The following VMP1 variants were observed in gnomAD, a reference collection of about 807,000 sequenced individuals.
VMP1 encodes the protein ectopic P-granules autophagy protein 3 homolog.
A neutral mutation model predicts 56.0 loss-of-function variants in VMP1; 11 were observed. The ratio of observed to expected loss-of-function variants is 0.20; its 90% CI spans 0.12 to 0.32. The LOEUF (loss-of-function observed/expected upper bound fraction) is 0.32, where lower values mean the gene tolerates loss of function less well. VMP1 is among the 10% of genes least tolerant of loss of function. The pLI is 1.00. For missense variants in VMP1, 296 were observed against 490.3 expected (o/e 0.60, Z 3.74); for synonymous variants, 149 against 165.0 (o/e 0.90, Z 0.74).
In VMP1 at chr17:59,824,427, G is replaced by A. The variant is rs2038566597; in HGVS notation, c.974+6654G>A. 2.0e-5 allele frequency among the ~76,000 whole-genome samples: 3 copies of A among 149,676 alleles called. No individual in the cohort carries two copies. In the South Asian group the frequency reaches 6.4e-4, roughly 32 times the overall value. On this transcript the variant is annotated intron_variant, in intron 10 of 11. Transcript: ENST00000262291. ...TCTCTACTAAAAATACAAAAAATTA[G>A]CCGGGCGTGGGGGTGGGCGTCTATA...
intron 9 of VMP1, among the ~76,000 whole-genome samples, chr17:59,814,036 G>C (rs761286561): frequency 1.3e-4 from 20 of 152,080 alleles, no homozygotes; most frequent in Non-Finnish European, 2.1e-4. Context: ...GCTAGAGTGT[G>C]GTGGCGTGAT....
At chr17:59,838,591 A>G (rs771126869) in intron 11 of VMP1, 194 bp downstream of exon 11, 38 of 575,578 alleles carry the variant, frequency 6.6e-5, no homozygotes, top group Non-Finnish European at 1.2e-4. Context: ...ACTTCTGTAC[A>G]TCTTCTCCTA....
intron 5 of VMP1, among the ~76,000 whole-genome samples, chr17:59,762,407 T>G (rs558060284): frequency 6.6e-6 from 1 of 152,340 alleles, no homozygotes; most frequent in East Asian, 1.9e-4. Context: ...GACTTGTAGT[T>G]TTTAGAAAAT....
chr17:59,810,268 C>T (rs1259859856), intron 8 of VMP1, among the ~76,000 whole-genome samples: 1 of 152,120 alleles, frequency 6.6e-6, no homozygotes, highest in African/African-American at 2.4e-5. Flanking sequence ...ATTCTCCTGC[C>T]TCAGGCTACC....
intron 5 of VMP1, among the ~76,000 whole-genome samples, chr17:59,759,940 G>C: frequency 1.5e-5 from 1 of 66,712 alleles, no homozygotes; most frequent in South Asian, 4.0e-4. Context: ...GAATTTATTT[G>C]CTTGTTTGTT....
At chr17:59,751,941 G>A (rs986261758) in intron 5 of VMP1, among the ~76,000 whole-genome samples, 1 of 151,776 alleles carries the variant, frequency 6.6e-6, no homozygotes, top group Non-Finnish European at 1.5e-5. Context: ...CAGCCTCCCA[G>A]GTAGCTGGGA....
chr17:59,731,251 AG>A, intron 1 of VMP1, 169 bp from the exon 2 acceptor site: 1 of 360,490 alleles, frequency 2.8e-6, no homozygotes. Flanking sequence ...ATTGTTCAAT[AG>A]AATAACTAAA....
intron 2 of VMP1, among the ~76,000 whole-genome samples, chr17:59,734,960 G>T: frequency 7.9e-6 from 1 of 126,088 alleles, no homozygotes. Context: ...TATCCAGGCT[G>T]GTCTTCAGTG....
At chr17:59,813,649 A>G (rs771211440) in intron 9 of VMP1, among the ~76,000 whole-genome samples, 4 of 152,118 alleles carry the variant, frequency 2.6e-5, no homozygotes, top group South Asian at 2.1e-4. Flanking sequence ...ATTATTTTCA[A>G]TGTATCTGAA....
intron 10 of VMP1, among the ~76,000 whole-genome samples, chr17:59,831,331 C>G (rs1198144532): frequency 6.6e-6 from 1 of 152,040 alleles, no homozygotes; most frequent in Non-Finnish European, 1.5e-5. Flanking sequence ...GCCATCACAC[C>G]CAGCTACTTT....
intron 7 of VMP1, among the ~76,000 whole-genome samples, chr17:59,794,513 C>G (rs1279955013): frequency 7.4e-6 from 1 of 134,294 alleles, no homozygotes; most frequent in East Asian, 2.1e-4. Context: ...CCCCCGCGCC[C>G]TGCATTTTTT....
intron 5 of VMP1, among the ~76,000 whole-genome samples, chr17:59,750,004 T>C (rs992194689): frequency 2.6e-5 from 4 of 152,192 alleles, no homozygotes; most frequent in African/African-American, 9.7e-5. Context: ...ATATGTTGAA[T>C]ATATTAATGT....
At chr17:59,778,933 A>G (rs2036725071) in intron 7 of VMP1, among the ~76,000 whole-genome samples, 1 of 152,232 alleles carries the variant, frequency 6.6e-6, no homozygotes, top group East Asian at 1.9e-4. Flanking sequence ...GCAGTGAGCC[A>G]CAGCTCCCAG....
intron 1 of VMP1, among the ~76,000 whole-genome samples, chr17:59,719,727 C>T (rs558356307): frequency 6.6e-6 from 1 of 152,056 alleles, no homozygotes; most frequent in Admixed American, 6.6e-5. Flanking sequence ...ACAAGTGTGA[C>T]TAATGTTTAA....
At chr17:59,838,666 C>G (rs540991674) in intron 11 of VMP1, 1 of 391,418 alleles carries the variant, frequency 2.6e-6, no homozygotes, top group Admixed American at 4.0e-5. Context: ...TTGCCTTGAT[C>G]TTAAATGATG....
intron 6 of VMP1, among the ~76,000 whole-genome samples, chr17:59,769,108 G>A (rs1276685835): frequency 2.0e-5 from 3 of 151,374 alleles, no homozygotes; most frequent in Non-Finnish European, 4.4e-5. Flanking sequence ...GCAACAGGGT[G>A]AGACTCTGTC....
At chr17:59,792,850 C>CAAAAAA (rs1164749694) in intron 7 of VMP1, among the ~76,000 whole-genome samples, 2 of 65,312 alleles carry the variant, frequency 3.1e-5, no homozygotes, top group African/African-American at 1.4e-4. Flanking sequence ...AACGCCATCT[C>CAAAAAA]AAAAAATAAT....
chr17:59,795,084 T>C (rs572348074), intron 7 of VMP1, among the ~76,000 whole-genome samples: 2 of 149,076 alleles, frequency 1.3e-5, no homozygotes, highest in East Asian at 2.0e-4. Flanking sequence ...CACAACCTTC[T>C]CCTGCCTCAG....
At chr17:59,750,987 CAG>C (rs988975427) in intron 5 of VMP1, among the ~76,000 whole-genome samples, 3 of 125,266 alleles carry the variant, frequency 2.4e-5, no homozygotes, top group Non-Finnish European at 4.7e-5. Context: ...GGCTGGAGTA[CAG>C]TGGTGCAATC....
Sources: gnomAD v4.1 joint callset for allele counts (sites outside exome capture counted in the v4.1 genomes callset) on GRCh38, gnomAD v4.1.1 for gene constraint, MANE v1.5 for transcripts, NCBI Gene and HGNC (gene_info 2026-07-23, HGNC 2026-07-21) for gene names.